Variants in LRRC4C observed in about 807,000 individuals in gnomAD.
LRRC4C encodes the protein leucine-rich repeat-containing protein 4C.
A neutral mutation model predicts 33.6 loss-of-function variants in LRRC4C; 5 were observed. The observed-to-expected ratio is 0.15, with a 90% CI of 0.08 to 0.31. The LOEUF (loss-of-function observed/expected upper bound fraction) is 0.31. LRRC4C is among the 10% of genes least tolerant of loss of function. The pLI is 1.00. For synonymous variants in LRRC4C, 329 were observed against 302.0 expected, an observed-to-expected ratio of 1.09 and a Z score of -0.93; for missense variants, 560 against 796.7, an observed-to-expected ratio of 0.70 and a Z score of 3.58.
chr11:41,003,273 CA>C (rs1349366376), intron 1 of LRRC4C, among the ~76,000 whole-genome samples: 1 of 151,764 alleles, frequency 6.6e-6, no homozygotes, highest in African/African-American at 2.4e-5. Context: ...TTAATGAAAG[CA>C]AAAATGTCTA....
chr11:41,254,833 T>C (rs1948749266), intron 1 of LRRC4C, among the ~76,000 whole-genome samples: 1 of 152,072 alleles, frequency 6.6e-6, no homozygotes, highest in African/African-American at 2.4e-5. Context: ...CATTCTTGCT[T>C]TGCTTCAGTG....
At chr11:41,253,386 A>G (rs1948703112) in intron 1 of LRRC4C, among the ~76,000 whole-genome samples, 1 of 152,114 alleles carries the variant, frequency 6.6e-6, no homozygotes, top group African/African-American at 2.4e-5. Flanking sequence ...GTTAACTATT[A>G]AGTATTTAAA....
chr11:41,417,082 T>A (rs1354160357), intron 1 of LRRC4C, among the ~76,000 whole-genome samples: 1 of 152,088 alleles, frequency 6.6e-6, no homozygotes, highest in Non-Finnish European at 1.5e-5. Context: ...AACTCATTTA[T>A]AGGCCTATCC....
chr11:41,389,930 G>T (rs1333112083), intron 1 of LRRC4C, among the ~76,000 whole-genome samples: 1 of 151,818 alleles, frequency 6.6e-6, no homozygotes, highest in African/African-American at 2.4e-5. Context: ...ATAATATGCT[G>T]TATTATGTTA....
At chr11:41,226,519 A>C (rs1947541650) in intron 1 of LRRC4C, among the ~76,000 whole-genome samples, 2 of 152,116 alleles carry the variant, frequency 1.3e-5, no homozygotes, top group South Asian at 4.2e-4. Flanking sequence ...ACACATAGAC[A>C]CTTATCACTG....
chr11:40,812,013 C>A (rs1320283950), intron 2 of LRRC4C, among the ~76,000 whole-genome samples: 1 of 152,188 alleles, frequency 6.6e-6, no homozygotes. Flanking sequence ...AACCTTCATG[C>A]ACCTTTTCCC....
intron 3 of LRRC4C, among the ~76,000 whole-genome samples, chr11:40,482,154 G>A (rs900201121): frequency 2.0e-5 from 3 of 152,120 alleles, no homozygotes; most frequent in African/African-American, 4.8e-5. Context: ...ATGGTCTTCC[G>A]TGGCTGGAAA....
chr11:40,322,972 G>T (rs751908666), intron 3 of LRRC4C, among the ~76,000 whole-genome samples: 1 of 152,088 alleles, frequency 6.6e-6, no homozygotes. Context: ...AAGTACTAAC[G>T]AAAGAGACTA....
chr11:41,202,092 C>T (rs768785129), intron 1 of LRRC4C, among the ~76,000 whole-genome samples: 2 of 152,162 alleles, frequency 1.3e-5, no homozygotes, highest in African/African-American at 4.8e-5. Flanking sequence ...TATTGATGTC[C>T]TCTTTGGAAC....
chr11:41,437,421 GCGCGCACA>G (rs1247890410), intron 1 of LRRC4C, among the ~76,000 whole-genome samples: 3 of 144,984 alleles, frequency 2.1e-5, no homozygotes, highest in South Asian at 2.2e-4. Context: ...ACGCGCGCGC[GCGCGCACA>G]CACACACACA....
intron 2 of LRRC4C, among the ~76,000 whole-genome samples, chr11:40,662,988 TA>T (rs1163465223): frequency 6.6e-6 from 1 of 152,230 alleles, no homozygotes; most frequent in Non-Finnish European, 1.5e-5. Flanking sequence ...TTTCATAAGT[TA>T]AATTATATCT....
chr11:40,181,619 A>G (rs1182109788), intron 5 of LRRC4C, among the ~76,000 whole-genome samples: 1 of 152,216 alleles, frequency 6.6e-6, no homozygotes, highest in Admixed American at 6.5e-5. Flanking sequence ...TTTGGTACAC[A>G]CTGTCTGAGA....
intron 5 of LRRC4C, among the ~76,000 whole-genome samples, chr11:40,167,200 T>C (rs781014793): frequency 6.6e-6 from 1 of 152,108 alleles, no homozygotes; most frequent in African/African-American, 2.4e-5. Flanking sequence ...ACAAAAAGCT[T>C]AGGTTGTCCA....
intron 3 of LRRC4C, among the ~76,000 whole-genome samples, chr11:40,322,400 C>A (rs11035781): frequency 0.027 from 4,170 of 152,184 alleles, 77 homozygotes; most frequent in Non-Finnish European, 0.043. Context: ...CATGTGCCAC[C>A]ATGCCTGGCT....
intron 4 of LRRC4C, among the ~76,000 whole-genome samples, chr11:40,247,857 A>G (rs1866473557): frequency 6.6e-6 from 1 of 152,218 alleles, no homozygotes; most frequent in African/African-American, 2.4e-5. Flanking sequence ...CTGCATATCT[A>G]CAAATGACTG....
chr11:40,358,580 C>T (rs950617478), intron 3 of LRRC4C, among the ~76,000 whole-genome samples: 1 of 152,208 alleles, frequency 6.6e-6, no homozygotes, highest in East Asian at 1.9e-4. Flanking sequence ...TGCGCCTGGT[C>T]CCCAATCTCT....
At chr11:40,268,520 A>G (rs1255707447) in intron 4 of LRRC4C, among the ~76,000 whole-genome samples, 1 of 152,154 alleles carries the variant, frequency 6.6e-6, no homozygotes, top group Admixed American at 6.5e-5. Flanking sequence ...ATTACTGTCA[A>G]TGGTACTGTA....
At chr11:40,151,047 G>C (rs1366469324) in intron 5 of LRRC4C, among the ~76,000 whole-genome samples, 1 of 152,078 alleles carries the variant, frequency 6.6e-6, no homozygotes, top group African/African-American at 2.4e-5. Flanking sequence ...TTTGTGTCAA[G>C]GGATCACCTC....
chr11:41,380,834 C>G (rs1953118054), intron 1 of LRRC4C, among the ~76,000 whole-genome samples: 1 of 152,120 alleles, frequency 6.6e-6, no homozygotes, highest in African/African-American at 2.4e-5. Context: ...GTCTGTCTCT[C>G]TCTCTTTCTC....
Sources: allele counts gnomAD v4.1 joint callset (sites outside exome capture counted in the v4.1 genomes callset), GRCh38; gene constraint gnomAD v4.1.1; transcripts MANE v1.5; gene names NCBI Gene and HGNC (gene_info 2026-07-23, HGNC 2026-07-21).